Variants in SLC35D3 observed in about 807,000 individuals in gnomAD.
The protein encoded by SLC35D3 is solute carrier family 35 member D3.
SLC35D3 carries 18 observed loss-of-function variants against 20.3 expected under a neutral mutation model. The ratio of observed to expected loss-of-function variants is 0.89; its 90% confidence interval spans 0.61 to 1.32. SLC35D3 has a LOEUF of 1.32. SLC35D3 is among the 40% of genes most tolerant of loss of function. SLC35D3 has a pLI of 0.00. For synonymous variants in SLC35D3, 313 were observed against 263.5 expected, an observed-to-expected ratio of 1.19 and a Z score of -1.82; for missense variants, 556 against 565.5, an observed-to-expected ratio of 0.98 and a Z score of 0.17.
chr6:136,924,730 A>G lies in SLC35D3; in HGVS notation c.*34A>G, dbSNP rs775805967. 1 of 1,536,642 alleles carries G rather than the reference A, an allele frequency of 6.5e-7. No individual in the cohort carries two copies. Among genetic ancestry groups the G allele is most frequent in the Non-Finnish European group, 8.8e-7 (1 of 1,137,448 alleles). ...TGCATGTACGTACCTATGTGCATACACTTATTTTATATGTTAGAAATGACG... is the reference window on the plus strand; with the variant it reads ...TGCATGTACGTACCTATGTGCATACGCTTATTTTATATGTTAGAAATGACG... On this transcript the variant is annotated 3_prime_UTR_variant, in exon 2 of 2. Transcript: ENST00000331858.
rs760510047 is a variant in SLC35D3 at position 136,924,027 on chromosome 6, C to A, written c.582C>A (p.Ala194=). 1.2e-6 allele frequency: 2 copies of A among 1,604,366 alleles called. No individual in the cohort carries two copies. The change falls in exon 2 of 2, where the codon GCC becomes GCA. Residue 194 remains alanine (A), a synonymous_variant. Coordinates refer to ENST00000331858, the MANE Select transcript of SLC35D3 (RefSeq NM_001008783.3). ...CGCTCACCGCGCAGTACGTCATCGC[C>A]GTCTCTGCCACCCCGCTGCTGGTCA... ...HGPLTAQYVI[A]VSATPLLVIC...
Position 136,923,893 on chromosome 6 carries a change from G to C in SLC35D3, c.448G>C (p.Asp150His), listed in dbSNP as rs1265098874. The C allele has an allele frequency of 2.6e-6, 4 of 1,511,584 alleles. No homozygotes were observed. The African/African-American group carries it at 5.5e-5, about 21-fold the overall frequency. The allele number at this position is 1,511,584 out of a possible 1,614,324, so 93.6% of individuals were successfully genotyped here. A position where few individuals can be genotyped will look rare whatever the true frequency, so the allele number is the denominator to read the frequency against. Residue 150 changes from aspartate (D) to histidine (H), a missense_variant, in exon 2 of 2, where the codon GAC becomes CAC. Transcript: ENST00000331858. The surrounding 1 kb of genome is among the most constrained non-coding windows in gnomAD (Gnocchi z 6.2). ...CTCCTCGTGCGCCGCAGGAGCCGGC[G>C]ACCTGACGGGCGACCCCATCGGGTA... The part of the protein sequence containing the change: ...TCGAALAGAG[D>H]LTGDPIGYVT...
In SLC35D3 at chr6:136,923,642, G is replaced by A. The variant is rs916986534; in HGVS notation, c.440-243G>A. On this transcript the variant is annotated intron_variant, in intron 1 of 1. Transcript: ENST00000331858. This position sits in a 1 kb window ranked among gnomAD's most constrained non-coding sequence, Gnocchi z 6.2. Reference sequence around the variant, plus strand: ...TTTGTCTTGGACAGAGGAAGATGGAGTGACCCGGGGATATGGCGGGAAGGC... The same window carrying A: ...TTTGTCTTGGACAGAGGAAGATGGAATGACCCGGGGATATGGCGGGAAGGC... Among the ~76,000 whole-genome samples, 2 of 152,208 alleles carry A rather than the reference G, an allele frequency of 1.3e-5. No individual in the cohort carries two copies. The highest frequency in any genetic ancestry group is 2.9e-5 in the Non-Finnish European group (2 of 68,030).
chr6:136,924,833 G>C lies in SLC35D3; in HGVS notation c.*137G>C, dbSNP rs1398253583. 1.2e-6 allele frequency: 1 copy of C among 866,936 alleles called. No individual in the cohort carries two copies. Among genetic ancestry groups the C allele is most frequent in the African/African-American group, 1.7e-5 (1 of 59,162 alleles). The allele number at this position is 866,936 out of a possible 1,614,324, so 53.7% of individuals were successfully genotyped here. On this transcript the variant is annotated 3_prime_UTR_variant, in exon 2 of 2. Transcript: ENST00000331858. Reference sequence around the variant, plus strand: ...GAAAAGAAAGAAGCTGAAAGGTACTGACACAGAGCAACAAAATTAGCACCT... The same window carrying C: ...GAAAAGAAAGAAGCTGAAAGGTACTCACACAGAGCAACAAAATTAGCACCT...
Position 136,922,529 on chromosome 6 carries a change from G to A in SLC35D3, c.101G>A (p.Ser34Asn), listed in dbSNP as rs752046369. The change falls in exon 1 of 2, where the codon AGC (serine) becomes AAC (asparagine). Residue 34 changes from serine to asparagine, a missense_variant. Ser to Asn is a conservative substitution (Grantham distance 46). Coordinates refer to ENST00000331858, the MANE Select transcript of SLC35D3 (RefSeq NM_001008783.3). The surrounding 1 kb of genome is among the most constrained non-coding windows in gnomAD (Gnocchi z 6.8). ...AACATCTTGCTCAAGTTCCTCATCA[G>A]CCGCTACCAGTTCTCCTTCCTGACC... ...SLNILLKFLI[S>N]RYQFSFLTLV... 2 of 1,612,462 alleles carry A rather than the reference G, an allele frequency of 1.2e-6. No homozygotes were observed. Among genetic ancestry groups the A allele is most frequent in the South Asian group, 2.2e-5 (2 of 91,020 alleles).
Position 136,924,308 on chromosome 6 carries a change from T to C in SLC35D3, c.863T>C (p.Val288Ala). The C allele has an allele frequency of 1.2e-6, 2 of 1,614,146 alleles. No individual in the cohort carries two copies. Among genetic ancestry groups the C allele is most frequent in the Non-Finnish European group, 1.7e-6 (2 of 1,180,026 alleles). Residue 288 changes from valine (V) to alanine (A), a missense_variant, in exon 2 of 2, where the codon GTG becomes GCG. By Grantham distance (64) the Val-to-Ala change is moderately conservative (BLOSUM62 0). Coordinates refer to ENST00000331858, the MANE Select transcript of SLC35D3 (RefSeq NM_001008783.3). ...ACCTCTCTGTTCATTGCCGGCGTGG[T>C]GGTGAACACCCTGGGCTCTATCATT... ...EPTSLFIAGV[V>A]VNTLGSIIYC...
Position 136,922,999 on chromosome 6 carries a change from C to A in SLC35D3, c.439+132C>A. ...GACTGAGGCAGAGAGAGCCGGAGAGCTTTGAGAGTGGTCGCTCAGCTCGCA... is the reference window on the plus strand; with the variant it reads ...GACTGAGGCAGAGAGAGCCGGAGAGATTTGAGAGTGGTCGCTCAGCTCGCA... On this transcript the variant is annotated intron_variant, in intron 1 of 1. Transcript: ENST00000331858. This position sits in a 1 kb window ranked among gnomAD's most constrained non-coding sequence, Gnocchi z 6.8. 9.5e-7 allele frequency: 1 copy of A among 1,052,274 alleles called. No homozygotes were observed. The highest frequency in any genetic ancestry group is 1.3e-6 in the Non-Finnish European group (1 of 755,498). 65.2% of individuals were successfully genotyped at this position (1,052,274 alleles called of 1,614,324 possible). A position where few individuals can be genotyped will look rare whatever the true frequency, so the allele number is the denominator to read the frequency against.
chr6:136,924,049 G>T lies in SLC35D3; in HGVS notation c.604G>T (p.Val202Phe). The T allele has an allele frequency of 1.2e-6, 2 of 1,609,126 alleles. No homozygotes were observed. The highest frequency in any genetic ancestry group is 8.5e-7 in the Non-Finnish European group (1 of 1,179,016). Residue 202 changes from valine (V) to phenylalanine (F), a missense_variant, in exon 2 of 2, where the codon GTC becomes TTC. By Grantham distance (50) the Val-to-Phe change is conservative (BLOSUM62 -1). Transcript: ENST00000331858. ...CGCCGTCTCTGCCACCCCGCTGCTG[G>T]TCATCTGCTCCTTCGCCAGCACCGA... ...VIAVSATPLL[V>F]ICSFASTDSI...
Position 136,924,063 on chromosome 6 carries a change from C to A in SLC35D3, c.618C>A (p.Phe206Leu). The A allele has an allele frequency of 6.2e-7, 1 of 1,610,532 alleles. No individual in the cohort carries two copies. The highest frequency in any genetic ancestry group is 8.5e-7 in the Non-Finnish European group (1 of 1,179,254). The change falls in exon 2 of 2, where the codon TTC becomes TTA. Residue 206 changes from phenylalanine to leucine, a missense_variant. By Grantham distance (22) the Phe-to-Leu change is conservative. Transcript: ENST00000331858. ...SATPLLVICS[F>L]ASTDSIHAWT... ...CCCCGCTGCTGGTCATCTGCTCCTTCGCCAGCACCGACTCCATCCACGCCT... is the reference window on the plus strand; with the variant it reads ...CCCCGCTGCTGGTCATCTGCTCCTTAGCCAGCACCGACTCCATCCACGCCT...
Position 136,922,953 on chromosome 6 carries a change from G to T in SLC35D3, c.439+86G>T. On this transcript the variant is annotated intron_variant, in intron 1 of 1. Transcript: ENST00000331858. This position sits in a 1 kb window ranked among gnomAD's most constrained non-coding sequence, Gnocchi z 6.8. ...GACCGCGGGGATCACTGAGTTCAAC[G>T]ACCTCACTTCCAGATGGGGAGACTG... is the stretch of plus-strand genomic sequence containing the variant. 1 of 1,348,812 alleles carries T rather than the reference G, an allele frequency of 7.4e-7. No homozygotes were observed. Among genetic ancestry groups the T allele is most frequent in the South Asian group, 1.5e-5 (1 of 66,442 alleles). 83.6% of individuals were successfully genotyped at this position (1,348,812 alleles called of 1,614,324 possible).
At position 136,922,967 on chromosome 6, in the gene SLC35D3, A is replaced by T; in HGVS notation, c.439+100A>T. Reference sequence around the variant, plus strand: ...CTGAGTTCAACGACCTCACTTCCAGATGGGGAGACTGAGGCAGAGAGAGCC... The same window carrying T: ...CTGAGTTCAACGACCTCACTTCCAGTTGGGGAGACTGAGGCAGAGAGAGCC... On this transcript the variant is annotated intron_variant, in intron 1 of 1. Transcript: ENST00000331858. The surrounding 1 kb of genome is among the most constrained non-coding windows in gnomAD (Gnocchi z 6.8). 1.6e-6 allele frequency: 2 copies of T among 1,259,832 alleles called. No homozygotes were observed. Among genetic ancestry groups the T allele is most frequent in the Non-Finnish European group, 2.1e-6 (2 of 940,434 alleles). 78.0% of individuals were successfully genotyped at this position (1,259,832 alleles called of 1,614,324 possible). A position where few individuals can be genotyped will look rare whatever the true frequency, so the allele number is the denominator to read the frequency against.
Position 136,925,385 on chromosome 6 carries a change from T to C in SLC35D3, c.*689T>C, listed in dbSNP as rs936476863. 1.3e-5 allele frequency: 2 copies of C among 152,656 alleles called. No individual in the cohort carries two copies. The highest frequency in any genetic ancestry group is 2.9e-5 in the Non-Finnish European group (2 of 68,044). 9.5% of individuals were successfully genotyped at this position (152,656 alleles called of 1,614,324 possible). ...AAAGTTGTTTTGGTTCATTGCTTTA[T>C]AATATTTATTATTGAATGCCAAACC... On this transcript the variant is annotated 3_prime_UTR_variant, in exon 2 of 2. Coordinates refer to ENST00000331858, the MANE Select transcript of SLC35D3 (RefSeq NM_001008783.3).
In SLC35D3 at chr6:136,922,815, G is replaced by T; in HGVS notation, c.387G>T (p.Ser129=). ...GVLVLKNGAP[S]PGVLAAVLIT... is the part of the protein sequence containing the mutation. ...TGGTGCTCAAGAACGGCGCGCCCTC[G>T]CCAGGGGTGCTGGCGGCGGTGCTCA... Residue 129 remains serine (S), a synonymous_variant, in exon 1 of 2, where the codon TCG becomes TCT. Coordinates refer to ENST00000331858, the MANE Select transcript of SLC35D3 (RefSeq NM_001008783.3). This position sits in a 1 kb window ranked among gnomAD's most constrained non-coding sequence, Gnocchi z 6.8. The T allele has an allele frequency of 6.4e-7, 1 of 1,558,842 alleles. No homozygotes were observed. The highest frequency in any genetic ancestry group is 8.7e-7 in the Non-Finnish European group (1 of 1,153,126).
chr6:136,922,822 G>A lies in SLC35D3; in HGVS notation c.394G>A (p.Val132Met), dbSNP rs765652305. Residue 132 changes from valine to methionine, a missense_variant, in exon 1 of 2, where the codon GTG becomes ATG. Val to Met is a conservative substitution (Grantham distance 21, BLOSUM62 1). Transcript: ENST00000331858. This position sits in a 1 kb window ranked among gnomAD's most constrained non-coding sequence, Gnocchi z 6.8. Reference sequence around the variant, plus strand: ...CAAGAACGGCGCGCCCTCGCCAGGGGTGCTGGCGGCGGTGCTCATCACCAC... The same window carrying A: ...CAAGAACGGCGCGCCCTCGCCAGGGATGCTGGCGGCGGTGCTCATCACCAC... ...VLKNGAPSPG[V>M]LAAVLITTCG... 2 of 1,556,816 alleles carry A rather than the reference G, an allele frequency of 1.3e-6. No homozygotes were observed. The highest frequency in any genetic ancestry group is 1.9e-5 in the Admixed American group (1 of 52,000).
chr6:136,922,826 T>C lies in SLC35D3; in HGVS notation c.398T>C (p.Leu133Pro). 6.4e-7 allele frequency: 1 copy of C among 1,554,290 alleles called. No homozygotes were observed. Among genetic ancestry groups the C allele is most frequent in the Non-Finnish European group, 8.7e-7 (1 of 1,151,426 alleles). Residue 133 changes from leucine to proline, a missense_variant, in exon 1 of 2, where the codon CTG (leucine) becomes CCG (proline). Leu to Pro is a moderately conservative substitution (Grantham distance 98). Coordinates refer to ENST00000331858, the MANE Select transcript of SLC35D3 (RefSeq NM_001008783.3). The surrounding 1 kb of genome is among the most constrained non-coding windows in gnomAD (Gnocchi z 6.8). The part of the protein sequence containing the change: ...LKNGAPSPGV[L>P]AAVLITTCGA... The stretch of plus-strand genomic sequence containing the variant: ...AACGGCGCGCCCTCGCCAGGGGTGC[T>C]GGCGGCGGTGCTCATCACCACCTGC...
In SLC35D3 at chr6:136,924,349, T is replaced by A; in HGVS notation, c.904T>A (p.Phe302Ile). ...CTCTATCATTTACTGTGTGGCCAAG[T>A]TCATGGAGACCAGAAAGCAAAGCAA... ...LGSIIYCVAK[F>I]METRKQSNYE... is the part of the protein sequence containing the mutation. The change falls in exon 2 of 2, where the codon TTC becomes ATC. Residue 302 changes from phenylalanine to isoleucine, a missense_variant. Physicochemically the swap from Phe to Ile is conservative, Grantham distance 21. Transcript: ENST00000331858. 1 of 1,614,072 alleles carries A rather than the reference T, an allele frequency of 6.2e-7. No individual in the cohort carries two copies. Among genetic ancestry groups the A allele is most frequent in the Non-Finnish European group, 8.5e-7 (1 of 1,180,022 alleles).
chr6:136,924,180 C>T lies in SLC35D3; in HGVS notation c.735C>T (p.His245=). 5 of 1,613,414 alleles carry T rather than the reference C, an allele frequency of 3.1e-6. No homozygotes were observed. Among genetic ancestry groups the T allele is most frequent in the Non-Finnish European group, 4.2e-6 (5 of 1,180,036 alleles). ...GCGCCATGAACTTCACCACGCTGCACTGCACCTACATCAATTCGGCCGTGA... is the reference window on the plus strand; with the variant it reads ...GCGCCATGAACTTCACCACGCTGCATTGCACCTACATCAATTCGGCCGTGA... The part of the protein sequence containing the change: ...IGCAMNFTTL[H]CTYINSAVTT... The change falls in exon 2 of 2, where the codon CAC becomes CAT. Residue 245 remains histidine, a synonymous_variant. Transcript: ENST00000331858.
Position 136,923,539 on chromosome 6 carries a change from CA to C in SLC35D3, c.440-345del. 6.6e-6 allele frequency among the ~76,000 whole-genome samples: 1 copy of C among 152,364 alleles called. No individual in the cohort carries two copies. The highest frequency in any genetic ancestry group is 3.4e-3 in the Middle Eastern group (1 of 294). On this transcript the variant is annotated intron_variant, in intron 1 of 1. Coordinates refer to ENST00000331858, the MANE Select transcript of SLC35D3 (RefSeq NM_001008783.3). This position sits in a 1 kb window ranked among gnomAD's most constrained non-coding sequence, Gnocchi z 6.2. Reference sequence around the variant, plus strand: ...GGCAGGGGCTCCGGGGTGCAGGTACCACGCGCCCAAGTGACCTCGGTGCCAG... The same window carrying C: ...GGCAGGGGCTCCGGGGTGCAGGTACCCGCGCCCAAGTGACCTCGGTGCCAG...
Position 136,924,764 on chromosome 6 carries a change from TGA to T in SLC35D3, c.*72_*73del. ...ATATGTTAGAAATGACGTGTTTTAA[TGA>T]GAGGCCTCCCCGTTTTATTCTTTGA... On this transcript the variant is annotated 3_prime_UTR_variant, in exon 2 of 2. Transcript: ENST00000331858. The T allele has an allele frequency of 1.4e-6, 2 of 1,405,434 alleles. No individual in the cohort carries two copies. Among genetic ancestry groups the T allele is most frequent in the Non-Finnish European group, 1.9e-6 (2 of 1,048,820 alleles). The allele number at this position is 1,405,434 out of a possible 1,614,324, so 87.1% of individuals were successfully genotyped here. A position where few individuals can be genotyped will look rare whatever the true frequency, so the allele number is the denominator to read the frequency against.
Sources: allele counts gnomAD v4.1 joint callset (sites outside exome capture counted in the v4.1 genomes callset), GRCh38; gene constraint gnomAD v4.1.1; non-coding constraint Gnocchi (gnomAD v3.1); transcripts MANE v1.5; gene names NCBI Gene and HGNC (gene_info 2026-07-23, HGNC 2026-07-21).